CEP128: variants seen among roughly 807,000 people sequenced by gnomAD.
CEP128 encodes centrosomal protein 128kDa.
Under a neutral mutation model 156.7 loss-of-function variants are expected in CEP128, and 132 were observed. That is an observed-to-expected ratio of 0.84 (90% CI 0.73 to 0.97). CEP128 has a LOEUF of 0.97. CEP128 is among the 50% of genes least tolerant of loss of function. CEP128 has a pLI of 0.00. For missense variants in CEP128, 1,252 were observed against 1,281.9 expected, an observed-to-expected ratio of 0.98 and a Z score of 0.36; for synonymous variants, 469 against 448.9, an observed-to-expected ratio of 1.04 and a Z score of -0.57.
intron 19 of CEP128, among the ~76,000 whole-genome samples, chr14:80,706,937 CTGT>C (rs907714020): frequency 3.3e-5 from 5 of 152,028 alleles, no homozygotes; most frequent in African/African-American, 9.6e-5. Context: ...ATTTTTCTTT[CTGT>C]TGTTGTATTT....
chr14:80,811,067 C>T (rs1370249581), intron 13 of CEP128, among the ~76,000 whole-genome samples: 1 of 152,080 alleles, frequency 6.6e-6, no homozygotes, highest in Non-Finnish European at 1.5e-5. Flanking sequence ...TGTTAGTTTG[C>T]TGAGGTTAAT....
At chr14:80,551,944 C>A (rs781348597) in intron 21 of CEP128, among the ~76,000 whole-genome samples, 2 of 152,172 alleles carry the variant, frequency 1.3e-5, no homozygotes, top group Non-Finnish European at 2.9e-5. Flanking sequence ...TAAATTACTC[C>A]TTTGCTTGGC....
At chr14:80,838,096 T>C (rs1886173449) in intron 11 of CEP128, 108 bp downstream of exon 11, 4 of 745,656 alleles carry the variant, frequency 5.4e-6, no homozygotes, top group East Asian at 2.6e-5. Flanking sequence ...TAGGAAAACA[T>C]TTTTTCTAGA....
At chr14:80,525,602 T>C (rs549271242) in intron 23 of CEP128, among the ~76,000 whole-genome samples, 1 of 152,304 alleles carries the variant, frequency 6.6e-6, no homozygotes, top group South Asian at 2.1e-4. Flanking sequence ...TGACTGGGAA[T>C]GTTGGAAGAT....
chr14:80,734,146 T>C (rs906145552), intron 19 of CEP128, among the ~76,000 whole-genome samples: 6 of 152,138 alleles, frequency 3.9e-5, no homozygotes, highest in Non-Finnish European at 7.4e-5. Flanking sequence ...ATCTGTGAAG[T>C]TAGATCCTCC....
chr14:80,847,234 T>A (rs1034034228), intron 9 of CEP128, among the ~76,000 whole-genome samples: 9 of 152,132 alleles, frequency 5.9e-5, no homozygotes, highest in Non-Finnish European at 7.4e-5. Flanking sequence ...AGAAGGTGAC[T>A]GAAAAGCATG....
chr14:80,481,855 C>T (rs1887060799), intron 14 of CEP128, among the ~76,000 whole-genome samples: 1 of 152,202 alleles, frequency 6.6e-6, no homozygotes, highest in South Asian at 2.1e-4. Context: ...ACTTTAGTAT[C>T]TAAACCTAAA....
chr14:80,849,966 G>A (rs1373738359), intron 9 of CEP128, among the ~76,000 whole-genome samples: 5 of 151,988 alleles, frequency 3.3e-5, no homozygotes. Flanking sequence ...GTGGAAAAGG[G>A]AATGGGAATA....
At chr14:80,727,544 T>C (rs1447445117) in intron 19 of CEP128, among the ~76,000 whole-genome samples, 1 of 152,080 alleles carries the variant, frequency 6.6e-6, no homozygotes, top group Non-Finnish European at 1.5e-5. Context: ...CTAATTAAAC[T>C]AAAGAGCTTG....
intron 18 of CEP128, among the ~76,000 whole-genome samples, chr14:80,752,001 T>C (rs563676871): frequency 6.6e-6 from 1 of 152,236 alleles, no homozygotes; most frequent in African/African-American, 2.4e-5. Flanking sequence ...TTCATAAGTA[T>C]CTAGTAAAAC....
At chr14:80,706,820 T>G (rs1435783837) in intron 19 of CEP128, among the ~76,000 whole-genome samples, 1 of 152,132 alleles carries the variant, frequency 6.6e-6, no homozygotes, top group Non-Finnish European at 1.5e-5. Flanking sequence ...TTTTTTCTTC[T>G]TTTTCAATTT....
intron 10 of CEP128, among the ~76,000 whole-genome samples, chr14:80,839,438 T>C (rs1886245281): frequency 6.6e-6 from 1 of 152,194 alleles, no homozygotes; most frequent in African/African-American, 2.4e-5. Context: ...AGAACAGTTC[T>C]GTATCCTGAC....
At chr14:80,638,697 T>C (rs138953576) in intron 19 of CEP128, among the ~76,000 whole-genome samples, 13 of 152,318 alleles carry the variant, frequency 8.5e-5, no homozygotes, top group African/African-American at 3.1e-4. Flanking sequence ...TAGCATATAG[T>C]AGGAATTCAG....
intron 19 of CEP128, among the ~76,000 whole-genome samples, chr14:80,644,385 G>A (rs1181183218): frequency 1.3e-5 from 2 of 152,182 alleles, no homozygotes; most frequent in African/African-American, 4.8e-5. Context: ...AGTGGCAGGA[G>A]AAAATACTGC....
At chr14:80,576,544 ACT>A (rs541906398) in intron 20 of CEP128, among the ~76,000 whole-genome samples, 13 of 150,940 alleles carry the variant, frequency 8.6e-5, no homozygotes, top group African/African-American at 3.2e-4. Flanking sequence ...GATTGAAAAC[ACT>A]CTCCTCCCTG....
intron 15 of CEP128, among the ~76,000 whole-genome samples, chr14:80,779,128 C>T (rs887331011): frequency 2.6e-5 from 4 of 152,188 alleles, no homozygotes; most frequent in African/African-American, 7.2e-5. Context: ...TAACAAAACA[C>T]ACCTACCAGT....
intron 8 of CEP128, among the ~76,000 whole-genome samples, chr14:80,878,461 T>G (rs886933060): frequency 6.6e-6 from 1 of 152,214 alleles, no homozygotes; most frequent in African/African-American, 2.4e-5. Context: ...TTGCTGCTGT[T>G]GCACCTGGCC....
At chr14:80,508,475 T>A (rs1888090412) in intron 23 of CEP128, among the ~76,000 whole-genome samples, 1 of 152,208 alleles carries the variant, frequency 6.6e-6, no homozygotes, top group Admixed American at 6.5e-5. Context: ...ATTTTCTCTA[T>A]CATGATCATC....
At chr14:80,712,662 A>G (rs1897456593) in intron 19 of CEP128, among the ~76,000 whole-genome samples, 1 of 152,128 alleles carries the variant, frequency 6.6e-6, no homozygotes, top group Non-Finnish European at 1.5e-5. Context: ...TTCCATTTGT[A>G]GAAGGGTTCT....
Sources: allele counts gnomAD v4.1 joint callset (sites outside exome capture counted in the v4.1 genomes callset), GRCh38; gene constraint gnomAD v4.1.1; transcripts MANE v1.5; gene names NCBI Gene and HGNC (gene_info 2026-07-23, HGNC 2026-07-21).